C12orf42: variants seen among roughly 807,000 people sequenced by gnomAD.
C12orf42 encodes the protein uncharacterized protein C12orf42.
In C12orf42, 25 loss-of-function variants were observed where a neutral mutation model predicts 21.6. The observed-to-expected ratio is 1.16, with a 90% CI of 0.84 to 1.62. The LOEUF (loss-of-function observed/expected upper bound fraction) is 1.62. Among genes scored for constraint, C12orf42 ranks in the 40% most tolerant of loss-of-function variants. The probability of loss-of-function intolerance (pLI) is 0.00; values close to 1 mark genes in which losing one functional copy is unlikely to be tolerated. For missense variants in C12orf42, 483 were observed against 459.3 expected, an observed-to-expected ratio of 1.05 and a Z score of -0.47; for synonymous variants, 174 against 175.0, an observed-to-expected ratio of 0.99 and a Z score of 0.05.
chr12:103,486,135 G>A (rs562238225), intron 1 of C12orf42, among the ~76,000 whole-genome samples: 1 of 152,296 alleles, frequency 6.6e-6, no homozygotes, highest in South Asian at 2.1e-4. Flanking sequence ...TTATTATTTT[G>A]AGGTATGTTC....
intron 4 of C12orf42, among the ~76,000 whole-genome samples, chr12:103,291,830 G>A (rs1253868642): frequency 6.6e-6 from 1 of 152,100 alleles, no homozygotes; most frequent in Non-Finnish European, 1.5e-5. Context: ...TTTCTTTACT[G>A]CATCCTGCTT....
At chr12:103,166,076 A>AGAGAAGGAAG in the C12orf42 span, among the ~76,000 whole-genome samples, 1 of 150,814 alleles carries the variant, frequency 6.6e-6, no homozygotes. Flanking sequence ...AGAGAGAGAG[A>AGAGAAGGAAG]GAAGGAAGGA....
the C12orf42 span, among the ~76,000 whole-genome samples, chr12:103,232,165 T>C: frequency 6.6e-6 from 1 of 152,242 alleles, no homozygotes; most frequent in South Asian, 2.1e-4. Flanking sequence ...GGTTTATATT[T>C]AATGAGTTTT....
chr12:103,531,024 C>T, the C12orf42 span, among the ~76,000 whole-genome samples: 1,047 of 152,288 alleles, frequency 6.9e-3, 7 homozygotes, highest in African/African-American at 0.023. Context: ...CAATATTTTC[C>T]CACATTGCCC....
chr12:103,069,651 T>C, the C12orf42 span, among the ~76,000 whole-genome samples: 2 of 152,322 alleles, frequency 1.3e-5, no homozygotes, highest in East Asian at 3.9e-4. Context: ...GTCAAAAAAT[T>C]GTAAGTCAAG....
the C12orf42 span, among the ~76,000 whole-genome samples, chr12:103,152,417 C>T: frequency 6.6e-6 from 1 of 152,164 alleles, no homozygotes; most frequent in African/African-American, 2.4e-5. Context: ...TGCAGACCTT[C>T]CTGAGATCAG....
chr12:103,488,008 CT>C (rs1356060683), intron 1 of C12orf42, among the ~76,000 whole-genome samples: 1 of 152,140 alleles, frequency 6.6e-6, no homozygotes, highest in Non-Finnish European at 1.5e-5. Context: ...ATGATGTTAG[CT>C]GGTTATTTTG....
the C12orf42 span, among the ~76,000 whole-genome samples, chr12:103,527,145 T>A: frequency 6.6e-6 from 1 of 152,084 alleles, no homozygotes; most frequent in East Asian, 1.9e-4. Flanking sequence ...GAAGCAAGTC[T>A]GCTGAAAGGC....
intron 2 of C12orf42, among the ~76,000 whole-genome samples, chr12:103,404,846 G>A (rs577222142): frequency 1.6e-4 from 24 of 152,360 alleles, no homozygotes; most frequent in African/African-American, 5.8e-4. Context: ...GTGAAAACAG[G>A]TGGTATGTGC....
intron 2 of C12orf42, among the ~76,000 whole-genome samples, chr12:103,471,452 T>C (rs1311283041): frequency 6.6e-6 from 1 of 152,250 alleles, no homozygotes; most frequent in Non-Finnish European, 1.5e-5. Context: ...CAGAGGTCAA[T>C]TTCATTTAAA....
chr12:103,485,667 C>A (rs1164218776), intron 1 of C12orf42, among the ~76,000 whole-genome samples: 1 of 152,176 alleles, frequency 6.6e-6, no homozygotes, highest in Non-Finnish European at 1.5e-5. Flanking sequence ...GTTTGTAGTT[C>A]TCCTCAAAGA....
At chr12:103,216,404 T>C in the C12orf42 span, among the ~76,000 whole-genome samples, 1 of 151,088 alleles carries the variant, frequency 6.6e-6, no homozygotes, top group East Asian at 2.0e-4. Context: ...AGAGTCTCGC[T>C]CTGTCACCCA....
chr12:103,322,598 G>A (rs1013939516), intron 4 of C12orf42, among the ~76,000 whole-genome samples: 12 of 152,092 alleles, frequency 7.9e-5, no homozygotes, highest in African/African-American at 2.7e-4. Context: ...GGATATATGA[G>A]CCACTTCCCT....
At chr12:103,137,854 A>G in the C12orf42 span, among the ~76,000 whole-genome samples, 3 of 152,064 alleles carry the variant, frequency 2.0e-5, no homozygotes, top group Non-Finnish European at 4.4e-5. Flanking sequence ...AATGATAGAC[A>G]TGAGAGGCCA....
chr12:103,427,927 G>C (rs917615269), intron 2 of C12orf42, among the ~76,000 whole-genome samples: 2 of 152,192 alleles, frequency 1.3e-5, no homozygotes, highest in Non-Finnish European at 2.9e-5. Context: ...TGAAGTCAGT[G>C]AGAACAAAGA....
At chr12:103,068,992 A>ATATATAT in the C12orf42 span, among the ~76,000 whole-genome samples, 1 of 79,670 alleles carries the variant, frequency 1.3e-5, no homozygotes, top group African/African-American at 4.5e-5. Flanking sequence ...TATATATATA[A>ATATATAT]TCCTATTAGT....
chr12:103,208,660 A>G, the C12orf42 span, among the ~76,000 whole-genome samples: 1 of 152,228 alleles, frequency 6.6e-6, no homozygotes, highest in African/African-American at 2.4e-5. Context: ...AAACATGCAG[A>G]ACAATAGCAA....
intron 2 of C12orf42, among the ~76,000 whole-genome samples, chr12:103,476,061 A>G (rs1954026371): frequency 6.6e-6 from 1 of 152,162 alleles, no homozygotes; most frequent in African/African-American, 2.4e-5. Flanking sequence ...CAGAGTGTGC[A>G]TTTCCTTGCT....
At chr12:103,321,707 C>T (rs1414772418) in intron 4 of C12orf42, among the ~76,000 whole-genome samples, 8 of 145,454 alleles carry the variant, frequency 5.5e-5, no homozygotes. Context: ...GAGTTCATGT[C>T]CTTTGTAGGG....
Sources: allele counts gnomAD v4.1 joint callset (sites outside exome capture counted in the v4.1 genomes callset), GRCh38; gene constraint gnomAD v4.1.1; transcripts MANE v1.5; gene names NCBI Gene and HGNC (gene_info 2026-07-23, HGNC 2026-07-21).